Variants in ARHGEF9 observed in about 807,000 individuals in gnomAD.
ARHGEF9 encodes the protein rho guanine nucleotide exchange factor 9.
A neutral mutation model predicts 41.3 loss-of-function variants in ARHGEF9; 2 were observed. That is an observed-to-expected ratio of 0.05 (90% CI 0.02 to 0.15). The LOEUF (loss-of-function observed/expected upper bound fraction) is 0.15, where lower values mean the gene tolerates loss of function less well. Among genes scored for constraint, ARHGEF9 ranks in the 10% least tolerant of loss-of-function variants. The pLI is 1.00. For synonymous variants in ARHGEF9, 160 were observed against 154.4 expected (o/e 1.04, Z -0.27); for missense variants, 225 against 424.7 (o/e 0.53, Z 4.13).
At chrX:63,714,909 C>T (rs1556409108) in intron 2 of ARHGEF9, among the ~76,000 whole-genome samples, 1 of 111,745 alleles carries the variant, frequency 8.9e-6, no homozygotes, top group East Asian at 2.8e-4. Flanking sequence ...CCAAATGCCA[C>T]CTCCTTGACA....
At chrX:63,745,692 G>A (rs1556432839) in intron 1 of ARHGEF9, among the ~76,000 whole-genome samples, 1 of 111,324 alleles carries the variant, frequency 9.0e-6, no homozygotes, top group Admixed American at 9.5e-5. Context: ...GTTGTACTAG[G>A]CACTTTAATA....
chrX:63,738,800 T>G (rs1556424909), intron 1 of ARHGEF9, among the ~76,000 whole-genome samples: 3 of 111,661 alleles, frequency 2.7e-5, no homozygotes, highest in Non-Finnish European at 5.7e-5. Flanking sequence ...CCTCAAGGCC[T>G]GAGCTCATCA....
chrX:63,780,454 G>C (rs1375021982), intron 1 of ARHGEF9, among the ~76,000 whole-genome samples: 1 of 111,182 alleles, frequency 9.0e-6, no homozygotes, highest in Non-Finnish European at 1.9e-5. Context: ...CACACCAAAG[G>C]TGTGGCAATG....
At chrX:63,738,063 G>T (rs184579554) in intron 1 of ARHGEF9, among the ~76,000 whole-genome samples, 8 of 112,040 alleles carry the variant, frequency 7.1e-5, no homozygotes, top group African/African-American at 2.3e-4. Flanking sequence ...AGTTCATAGA[G>T]CCAGAATCCA....
rs183746119 is a variant in ARHGEF9 at position 63,644,751 on chromosome X, T to A, written c.1322-703A>T. Among the ~76,000 whole-genome samples the A allele has an allele frequency of 3.1e-3, 316 of 102,244 alleles. 1 individual carries two copies. The highest frequency in any genetic ancestry group is 0.012 in the African/African-American group (278 of 24,027). The allele number at this position is 102,244 out of a possible 115,157, so 88.8% of individuals were successfully genotyped here. A position where few individuals can be genotyped will look rare whatever the true frequency, so the allele number is the denominator to read the frequency against. The stretch of plus-strand genomic sequence containing the variant: ...AAATATTGGAAGGAATCGCCTTCTA[T>A]TATTATTATTATTTTTTTTTTTTTT... On this transcript the variant is annotated intron_variant, in intron 8 of 9. Transcript: ENST00000671741.
Position 63,635,056 on chromosome X carries a change from A to G in ARHGEF9, c.*2972T>C. On this transcript the variant is annotated 3_prime_UTR_variant, in exon 10 of 10. Coordinates refer to ENST00000671741, the MANE Select transcript of ARHGEF9 (RefSeq NM_001353921.2). Reference sequence around the variant, plus strand: ...TTTTTTTTGTTAAACATTTTTTAACACACAACTTTGACACTTGTTTGACAG... The same window carrying G: ...TTTTTTTTGTTAAACATTTTTTAACGCACAACTTTGACACTTGTTTGACAG... The G allele has an allele frequency of 6.7e-6, 2 of 299,536 alleles. No homozygotes were observed. Among genetic ancestry groups the G allele is most frequent in the South Asian group, 7.4e-5 (1 of 13,433 alleles). The allele number at this position is 299,536 out of a possible 1,213,427, so 24.7% of individuals were successfully genotyped here.
chrX:63,666,673 G>C (rs1225044739), intron 6 of ARHGEF9, among the ~76,000 whole-genome samples: 1 of 110,000 alleles, frequency 9.1e-6, no homozygotes, highest in Non-Finnish European at 1.9e-5. Flanking sequence ...GAGAGAAAAA[G>C]AACCCACTCC....
At chrX:63,698,982 T>C (rs1354681681) in intron 3 of ARHGEF9, among the ~76,000 whole-genome samples, 13 of 111,600 alleles carry the variant, frequency 1.2e-4, no homozygotes, top group Non-Finnish European at 1.9e-5. Context: ...AAGTTTTACA[T>C]TGACTACCAG....
chrX:63,708,829 G>T (rs1324471284), intron 2 of ARHGEF9, among the ~76,000 whole-genome samples: 1 of 112,364 alleles, frequency 8.9e-6, no homozygotes, highest in African/African-American at 3.2e-5. Context: ...CCTTTATAGA[G>T]CTGACATTTG....
chrX:63,643,209 T>G (rs1311277767), intron 9 of ARHGEF9, among the ~76,000 whole-genome samples: 1 of 112,104 alleles, frequency 8.9e-6, no homozygotes, highest in African/African-American at 3.2e-5. Context: ...GCAAGGTATT[T>G]TTTCTTAAGT....
intron 3 of ARHGEF9, chrX:63,701,666 T>C (rs1300321484): frequency 8.9e-6 from 1 of 111,919 alleles, no homozygotes; most frequent in African/African-American, 3.2e-5. Flanking sequence ...AAAAAAGTTA[T>C]TCAAAAACAA....
At chrX:63,681,506 G>A (rs2050621042) in intron 4 of ARHGEF9, among the ~76,000 whole-genome samples, 1 of 110,429 alleles carries the variant, frequency 9.1e-6, no homozygotes, top group Non-Finnish European at 1.9e-5. Context: ...ATAACAAATG[G>A]GTCAAAGAAA....
intron 2 of ARHGEF9, among the ~76,000 whole-genome samples, chrX:63,708,855 T>C (rs2052728675): frequency 8.9e-6 from 1 of 112,396 alleles, no homozygotes; most frequent in African/African-American, 3.2e-5. Flanking sequence ...AGATGTTTCT[T>C]AGCCTAGAAA....
At chrX:63,710,823 G>T (rs1289234174) in intron 2 of ARHGEF9, among the ~76,000 whole-genome samples, 1 of 110,741 alleles carries the variant, frequency 9.0e-6, no homozygotes, top group South Asian at 3.8e-4. Context: ...TATACTGAAG[G>T]TTCTAGCCAG....
At chrX:63,766,753 C>A (rs2056119621) in intron 1 of ARHGEF9, 1 of 201,490 alleles carries the variant, frequency 5.0e-6, no homozygotes. Context: ...CACTAAAGAA[C>A]TGTGCCCCTC....
At chrX:63,695,543 C>T (rs1431430288) in intron 4 of ARHGEF9, among the ~76,000 whole-genome samples, 1 of 112,001 alleles carries the variant, frequency 8.9e-6, no homozygotes, top group Non-Finnish European at 1.9e-5. Flanking sequence ...ACATCCTTAA[C>T]ATTTATAAAT....
intron 1 of ARHGEF9, among the ~76,000 whole-genome samples, chrX:63,748,890 C>A (rs1205581984): frequency 2.7e-5 from 3 of 112,078 alleles, no homozygotes; most frequent in African/African-American, 9.7e-5. Flanking sequence ...CCTAGAGTAG[C>A]ATGAACAGTT....
At chrX:63,649,007 C>A (rs1722753210) in intron 8 of ARHGEF9, among the ~76,000 whole-genome samples, 1 of 111,159 alleles carries the variant, frequency 9.0e-6, no homozygotes, top group African/African-American at 3.3e-5. Flanking sequence ...TAATGGGAGA[C>A]TTTAACACCC....
intron 1 of ARHGEF9, chrX:63,755,753 T>C: frequency 3.6e-6 from 2 of 550,925 alleles, no homozygotes; most frequent in Non-Finnish European, 2.2e-6. Flanking sequence ...AAACCAGTGT[T>C]GTGGACAGAA....
Sources: allele counts gnomAD v4.1 joint callset (sites outside exome capture counted in the v4.1 genomes callset), GRCh38; gene constraint gnomAD v4.1.1; transcripts MANE v1.5; gene names NCBI Gene and HGNC (gene_info 2026-07-23, HGNC 2026-07-21).